The following COLGALT2 variants were observed in gnomAD, a reference collection of about 807,000 sequenced individuals.
COLGALT2 encodes the protein collagen beta(1-O)galactosyltransferase 2.
Under a neutral mutation model 73.4 loss-of-function variants are expected in COLGALT2, and 49 were observed. That is an observed-to-expected ratio of 0.67 (90% confidence interval 0.53 to 0.85). COLGALT2 has a LOEUF of 0.85. Among genes scored for constraint, COLGALT2 ranks in the 40% least tolerant of loss-of-function variants. The pLI, the probability that COLGALT2 is intolerant of heterozygous loss-of-function variation, is 0.00. For synonymous variants in COLGALT2, 295 were observed against 307.6 expected, an observed-to-expected ratio of 0.96 and a Z score of 0.43; for missense variants, 722 against 790.2, an observed-to-expected ratio of 0.91 and a Z score of 1.03.
At chr1:184,008,380 C>A (rs1672138765) in intron 1 of COLGALT2, among the ~76,000 whole-genome samples, 2 of 152,150 alleles carry the variant, frequency 1.3e-5, no homozygotes, top group African/African-American at 2.4e-5. Context: ...AAAGAAAATT[C>A]TATAAATGAC....
Position 183,964,426 on chromosome 1 carries a change from C to A in COLGALT2, c.833-406G>T, listed in dbSNP as rs528953737. 7.7e-5 allele frequency: 17 copies of A among 220,656 alleles called. No homozygotes were observed. The Admixed American group carries it at 8.1e-4, about 11-fold the overall frequency. 13.7% of individuals were successfully genotyped at this position (220,656 alleles called of 1,614,324 possible). On this transcript the variant is annotated intron_variant, in intron 5 of 11. Transcript: ENST00000361927. ...ATGAAATCCACATTTGATATGAAAGCAAACAGGAAAATTCTGTAACGCTGA... is the reference window on the plus strand; with the variant it reads ...ATGAAATCCACATTTGATATGAAAGAAAACAGGAAAATTCTGTAACGCTGA...
chr1:183,962,154 C>CTTTTTTTTTTTTTTTTTTTTTTTTTTTTT (rs34873073), intron 6 of COLGALT2, among the ~76,000 whole-genome samples: 1 of 85,538 alleles, frequency 1.2e-5, no homozygotes, highest in Non-Finnish European at 2.1e-5. Context: ...TTTTCTCTTT[C>CTTTTTTTTTTTTTTTTTTTTTTTTTTTTT]TTTTTTTTTT....
intron 1 of COLGALT2, among the ~76,000 whole-genome samples, chr1:183,991,658 T>C (rs1290347532): frequency 2.0e-5 from 3 of 152,204 alleles, no homozygotes; most frequent in East Asian, 1.9e-4. Flanking sequence ...GGTCTTCCCA[T>C]ATCACTTCAT....
At chr1:183,994,955 C>T (rs1671732265) in intron 1 of COLGALT2, among the ~76,000 whole-genome samples, 2 of 152,016 alleles carry the variant, frequency 1.3e-5, no homozygotes, top group Non-Finnish European at 2.9e-5. Context: ...ATCCAGAAGG[C>T]GGTATGGTGA....
At chr1:183,994,661 G>A (rs1015372836) in intron 1 of COLGALT2, among the ~76,000 whole-genome samples, 2 of 152,152 alleles carry the variant, frequency 1.3e-5, no homozygotes, top group African/African-American at 4.8e-5. Context: ...CACCACGTTG[G>A]CCAGGCTGGT....
At chr1:183,950,562 C>A (rs1670369478) in intron 8 of COLGALT2, among the ~76,000 whole-genome samples, 1 of 151,860 alleles carries the variant, frequency 6.6e-6, no homozygotes. Flanking sequence ...TATGATCGGT[C>A]CAGGCAGATT....
intron 1 of COLGALT2, among the ~76,000 whole-genome samples, chr1:184,002,808 G>A (rs148901505): frequency 4.3e-4 from 66 of 152,136 alleles, no homozygotes; most frequent in African/African-American, 1.5e-3. Flanking sequence ...GCAAAAGACT[G>A]GGCTTAATAT....
At chr1:184,030,739 G>A (rs1649487375) in intron 1 of COLGALT2, among the ~76,000 whole-genome samples, 1 of 152,138 alleles carries the variant, frequency 6.6e-6, no homozygotes, top group Non-Finnish European at 1.5e-5. Context: ...TTGGATAAAG[G>A]AGCTAAAAAC....
intron 6 of COLGALT2, among the ~76,000 whole-genome samples, chr1:183,961,012 T>C (rs902852276): frequency 1.3e-5 from 2 of 152,342 alleles, no homozygotes; most frequent in African/African-American, 4.8e-5. Context: ...ACTTGACTGA[T>C]AGGATTTTGT....
chr1:183,933,624 CAGAGAG>C (rs10562111), downstream of COLGALT2, among the ~76,000 whole-genome samples: 4 of 150,688 alleles, frequency 2.7e-5, no homozygotes, highest in Admixed American at 6.6e-5. Flanking sequence ...CATCTAAGAA[CAGAGAG>C]AGAGAGAGAG....
intron 1 of COLGALT2, among the ~76,000 whole-genome samples, chr1:184,002,365 C>T (rs999048021): frequency 4.6e-5 from 7 of 152,138 alleles, no homozygotes; most frequent in Non-Finnish European, 8.8e-5. Flanking sequence ...ATGACTCAGC[C>T]GTTCTTTATG....
At chr1:183,962,301 A>G (rs554699854) in intron 6 of COLGALT2, among the ~76,000 whole-genome samples, 1 of 151,786 alleles carries the variant, frequency 6.6e-6, no homozygotes, top group South Asian at 2.1e-4. Context: ...CTGGGACTAC[A>G]GATGTGCACT....
chr1:183,988,700 ATAGTATGG>A (rs1671553450), intron 1 of COLGALT2, among the ~76,000 whole-genome samples: 1 of 152,168 alleles, frequency 6.6e-6, no homozygotes, highest in Non-Finnish European at 1.5e-5. Context: ...ATAATGTTCC[ATAGTATGG>A]ATATGCCACA....
chr1:183,976,827 T>C (rs1473736032), intron 2 of COLGALT2, among the ~76,000 whole-genome samples: 1 of 152,176 alleles, frequency 6.6e-6, no homozygotes, highest in Non-Finnish European at 1.5e-5. Flanking sequence ...AATACAATTG[T>C]TGAGACAAAG....
At chr1:184,006,025 T>G (rs1259418955) in intron 1 of COLGALT2, among the ~76,000 whole-genome samples, 1 of 152,204 alleles carries the variant, frequency 6.6e-6, no homozygotes, top group Non-Finnish European at 1.5e-5. Context: ...CCAGTTTCTT[T>G]CCCCATCCTG....
chr1:183,943,095 G>A (rs963418589), intron 10 of COLGALT2, among the ~76,000 whole-genome samples: 12 of 152,228 alleles, frequency 7.9e-5, no homozygotes, highest in African/African-American at 2.9e-4. Context: ...TCAAGGGACT[G>A]TGCAGAATGC....
intron 6 of COLGALT2, among the ~76,000 whole-genome samples, chr1:183,957,433 C>T (rs1167741148): frequency 6.6e-6 from 1 of 152,122 alleles, no homozygotes; most frequent in Non-Finnish European, 1.5e-5. Flanking sequence ...TCCAGAGTAG[C>T]TCATTTAAGC....
intron 1 of COLGALT2, among the ~76,000 whole-genome samples, chr1:184,018,317 G>T (rs545372811): frequency 8.5e-5 from 13 of 152,232 alleles, no homozygotes; most frequent in Middle Eastern, 3.4e-3. Context: ...TGTACAGATG[G>T]AATACCACCT....
intron 1 of COLGALT2, 95 bp downstream of exon 1, chr1:184,037,000 T>C: frequency 9.2e-7 from 1 of 1,083,484 alleles, no homozygotes; most frequent in Non-Finnish European, 1.2e-6. Context: ...CTCCAGCGGC[T>C]CCCTCGCCCT....
Sources: gnomAD v4.1 joint callset for allele counts (sites outside exome capture counted in the v4.1 genomes callset) on GRCh38, gnomAD v4.1.1 for gene constraint, MANE v1.5 for transcripts, NCBI Gene and HGNC (gene_info 2026-07-23, HGNC 2026-07-21) for gene names.